PTPRB: variants seen among roughly 807,000 people sequenced by gnomAD.
The protein encoded by PTPRB is receptor-type tyrosine-protein phosphatase beta.
Under a neutral mutation model 238.1 loss-of-function variants are expected in PTPRB, and 97 were observed. The ratio of observed to expected loss-of-function variants is 0.41; its 90% CI spans 0.35 to 0.48. The LOEUF (loss-of-function observed/expected upper bound fraction) is 0.48, where lower values mean the gene tolerates loss of function less well. PTPRB is among the 20% of genes least tolerant of loss of function. PTPRB has a pLI of 0.30. For missense variants in PTPRB, 2,292 were observed against 2,681.9 expected, an observed-to-expected ratio of 0.85 and a Z score of 3.21; for synonymous variants, 970 against 995.4, an observed-to-expected ratio of 0.97 and a Z score of 0.48.
chr12:70,579,966 CCAACTTAAAATAATTATATAA>C (rs1482454814), intron 10 of PTPRB, among the ~76,000 whole-genome samples: 56 of 151,924 alleles, frequency 3.7e-4, no homozygotes, highest in Non-Finnish European at 1.0e-4. Context: ...AGCCTGAAAT[CCAACTTAAAATAATTATATAA>C]AATTAAGTAG....
At chr12:70,622,350 G>A (rs1332017323) in intron 3 of PTPRB, 40 bp downstream of exon 3, 2 of 1,602,438 alleles carry the variant, frequency 1.2e-6, no homozygotes, top group African/African-American at 2.7e-5. Flanking sequence ...AGCCTCCTGA[G>A]ACGTGCACAG....
intron 2 of PTPRB, among the ~76,000 whole-genome samples, chr12:70,634,401 T>C (rs1197851335): frequency 6.6e-6 from 1 of 152,160 alleles, no homozygotes; most frequent in African/African-American, 2.4e-5. Flanking sequence ...TTGGAGGTGG[T>C]TGTAGAGGAA....
In PTPRB at chr12:70,539,964, C is replaced by T; in HGVS notation, c.5653G>A (p.Val1885Ile). 3.1e-6 allele frequency: 5 copies of T among 1,612,510 alleles called. No individual in the cohort carries two copies. Among genetic ancestry groups the T allele is most frequent in the South Asian group, 1.1e-5 (1 of 91,062 alleles). ...LSIRRDRPLS[V>I]HLNLGQKGNR... is the part of the protein sequence containing the mutation. The stretch of plus-strand genomic sequence containing the variant: ...CCTTTCTGGCCCAGGTTTAAGTGGA[C>T]AGATAATGGTCGATCCCTACGAATG... The change falls in exon 24 of 34, where the codon GTC becomes ATC. Residue 1885 changes from valine (V) to isoleucine (I), a missense_variant. Coordinates refer to ENST00000334414, the MANE Select transcript of PTPRB (RefSeq NM_001109754.4).
intron 18 of PTPRB, among the ~76,000 whole-genome samples, chr12:70,556,539 T>G (rs1027988853): frequency 1.3e-5 from 2 of 151,966 alleles, no homozygotes; most frequent in African/African-American, 2.4e-5. Flanking sequence ...CCACAAAAGG[T>G]GTATCCTACA....
chr12:70,588,763 G>A (rs1036509871), intron 8 of PTPRB, among the ~76,000 whole-genome samples: 14 of 152,228 alleles, frequency 9.2e-5, no homozygotes, highest in Admixed American at 7.2e-4. Context: ...GACCAGCCTG[G>A]CCAACATGGT....
chr12:70,558,204 C>T (rs1256416833), intron 18 of PTPRB, among the ~76,000 whole-genome samples: 1 of 152,150 alleles, frequency 6.6e-6, no homozygotes, highest in Non-Finnish European at 1.5e-5. Flanking sequence ...GGGTGTTCTG[C>T]TTAGCAGATT....
chr12:70,538,538 AC>A, intron 27 of PTPRB: 1 of 439,216 alleles, frequency 2.3e-6, no homozygotes, highest in East Asian at 3.9e-5. Flanking sequence ...CAGAAAACCT[AC>A]CTTCTATTGC....
Position 70,599,902 on chromosome 12 carries a change from G to A in PTPRB, c.980-3575C>T, listed in dbSNP as rs112072162. Among the ~76,000 whole-genome samples the A allele has an allele frequency of 7.2e-4, 110 of 151,748 alleles. 1 individual carries two copies. The highest frequency in any genetic ancestry group is 2.4e-3 in the African/African-American group (99 of 41,276). On this transcript the variant is annotated intron_variant, in intron 4 of 33. Transcript: ENST00000334414. ...GGAGGGTTGCTTGGGTCCAGGTATT[G>A]GAGGCTATAGTGCATCATAATAGTG...
intron 32 of PTPRB, among the ~76,000 whole-genome samples, chr12:70,526,688 T>C (rs1278549045): frequency 6.6e-6 from 1 of 152,250 alleles, no homozygotes; most frequent in Non-Finnish European, 1.5e-5. Flanking sequence ...CAGTCTCTTT[T>C]TGCTACCTTA....
chr12:70,565,508 C>T (rs1229756470), intron 15 of PTPRB, among the ~76,000 whole-genome samples: 1 of 152,210 alleles, frequency 6.6e-6, no homozygotes, highest in African/African-American at 2.4e-5. Flanking sequence ...GAAGATGTCT[C>T]AATTCTACCT....
At chr12:70,552,716 C>T (rs138118547) in intron 21 of PTPRB, 61 bp downstream of exon 21, 27 of 1,583,566 alleles carry the variant, frequency 1.7e-5, no homozygotes, top group East Asian at 2.2e-5. Context: ...GTTGCTCAGA[C>T]AGCTGAGTGC....
At chr12:70,617,302 T>A (rs1443248458) in intron 3 of PTPRB, among the ~76,000 whole-genome samples, 1 of 152,242 alleles carries the variant, frequency 6.6e-6, no homozygotes, top group Non-Finnish European at 1.5e-5. Flanking sequence ...TAGTCCATGT[T>A]AGAATTAGGC....
intron 3 of PTPRB, among the ~76,000 whole-genome samples, chr12:70,616,204 A>C (rs1884673381): frequency 6.6e-6 from 1 of 152,066 alleles, no homozygotes. Flanking sequence ...TCGGCCTCCC[A>C]AAGTGCTAGG....
In PTPRB at chr12:70,555,165, G is replaced by A; in HGVS notation, c.5138C>T (p.Ala1713Val). ...VKYFTVVVRE[A>V]DGSDELKPEQ... Reference sequence around the variant, plus strand: ...GTTAACTCATGATAACTTACCATCAGCCTCTCTCACCACCACTGTGAAGTA... The same window carrying A: ...GTTAACTCATGATAACTTACCATCAACCTCTCTCACCACCACTGTGAAGTA... The change falls in exon 20 of 34, where the codon GCT (alanine) becomes GTT (valine). Residue 1713 changes from alanine to valine, a missense_variant. Around this residue, in one of 4 missense-constraint regions of PTPRB, gnomAD observed 683 missense variants for 862.0 expected, o/e 0.79. Transcript: ENST00000334414. 4 of 1,613,386 alleles carry A rather than the reference G, an allele frequency of 2.5e-6. No homozygotes were observed. Among genetic ancestry groups the A allele is most frequent in the Non-Finnish European group, 3.4e-6 (4 of 1,179,614 alleles).
chr12:70,535,526 G>A (rs950163664), intron 29 of PTPRB, among the ~76,000 whole-genome samples: 8 of 152,092 alleles, frequency 5.3e-5, no homozygotes, highest in Admixed American at 2.0e-4. Context: ...CACTTTATAC[G>A]TAATCTCTCT....
intron 23 of PTPRB, chr12:70,540,641 G>C (rs1874927626): frequency 1.9e-6 from 1 of 512,942 alleles, no homozygotes; most frequent in Admixed American, 3.5e-5. Context: ...TGGCCCCTCA[G>C]TCCTTTGGTA....
chr12:70,619,484 T>C (rs1884831521), intron 3 of PTPRB, among the ~76,000 whole-genome samples: 1 of 152,116 alleles, frequency 6.6e-6, no homozygotes. Flanking sequence ...GAGAGTTGCT[T>C]TGATCAATAG....
chr12:70,633,276 T>C (rs1285934722), intron 2 of PTPRB, among the ~76,000 whole-genome samples: 3 of 152,148 alleles, frequency 2.0e-5, no homozygotes, highest in African/African-American at 7.2e-5. Context: ...CAAGTATTAT[T>C]CTTAAACTTT....
At chr12:70,587,745 G>A (rs907973487) in intron 8 of PTPRB, among the ~76,000 whole-genome samples, 3 of 152,030 alleles carry the variant, frequency 2.0e-5, no homozygotes, top group Non-Finnish European at 4.4e-5. Flanking sequence ...TTTAATTGAG[G>A]ACTTATCTCA....
Sources: allele counts gnomAD v4.1 joint callset (sites outside exome capture counted in the v4.1 genomes callset), GRCh38; gene constraint gnomAD v4.1.1; regional missense constraint gnomAD v4.1.1; transcripts MANE v1.5; gene names NCBI Gene and HGNC (gene_info 2026-07-23, HGNC 2026-07-21).